The following CAND2 variants were observed in gnomAD, a reference collection of about 807,000 sequenced individuals.
The protein encoded by CAND2 is cullin-associated NEDD8-dissociated protein 2.
Under a neutral mutation model 98.9 loss-of-function variants are expected in CAND2, and 62 were observed. The observed-to-expected ratio is 0.63, with a 90% confidence interval of 0.51 to 0.77. The LOEUF is 0.77. Among genes scored for constraint, CAND2 ranks in the 30% least tolerant of loss-of-function variants. CAND2 has a pLI of 0.00. For missense variants in CAND2, 1,501 were observed against 1,655.2 expected (o/e 0.91, Z 1.62); for synonymous variants, 770 against 731.9 (o/e 1.05, Z -0.84).
At chr3:12,807,138 T>G (rs1305932568) in intron 2 of CAND2, 168 bp from the exon 3 acceptor site, 1 of 569,548 alleles carries the variant, frequency 1.8e-6, no homozygotes, top group Non-Finnish European at 3.0e-6. Flanking sequence ...AGGAACGATG[T>G]TGGCATAGCC....
chr3:12,829,576 GAAGC>G (rs1381507760), intron 13 of CAND2, among the ~76,000 whole-genome samples: 1 of 152,200 alleles, frequency 6.6e-6, no homozygotes, highest in African/African-American at 2.4e-5. Flanking sequence ...AGCAAATAAA[GAAGC>G]AAGTAATAAT....
intron 13 of CAND2, among the ~76,000 whole-genome samples, chr3:12,830,835 C>T (rs2062046997): frequency 6.6e-6 from 1 of 152,176 alleles, no homozygotes; most frequent in Non-Finnish European, 1.5e-5. Context: ...GGCTGGGCCT[C>T]CTCCTTTGCT....
intron 10 of CAND2, 142 bp from the exon 11 acceptor site, chr3:12,819,944 A>G (rs915948590): frequency 3.1e-6 from 2 of 650,764 alleles, no homozygotes; most frequent in African/African-American, 3.6e-5. Flanking sequence ...GGGAAATGGT[A>G]GAATCCACTT....
At chr3:12,829,091 G>C (rs532014988) in intron 13 of CAND2, among the ~76,000 whole-genome samples, 1 of 152,156 alleles carries the variant, frequency 6.6e-6, no homozygotes. Flanking sequence ...TGGATCATAC[G>C]GCAATTCTGT....
chr3:12,834,074 T>C lies in CAND2; in HGVS notation c.*92T>C. 1 of 1,074,600 alleles carries C rather than the reference T, an allele frequency of 9.3e-7. No homozygotes were observed. The highest frequency in any genetic ancestry group is 1.4e-6 in the Non-Finnish European group (1 of 719,034). 66.6% of individuals were successfully genotyped at this position (1,074,600 alleles called of 1,614,324 possible). On this transcript the variant is annotated 3_prime_UTR_variant, in exon 15 of 15. Coordinates refer to ENST00000456430, the MANE Select transcript of CAND2 (RefSeq NM_001162499.2). ...ATCCCACCATCGCAGGTCTCTACTT[T>C]TGCCCTTCCACCATCTCACTGGGGG...
chr3:12,819,109 G>GA (rs1379881995), intron 10 of CAND2, among the ~76,000 whole-genome samples: 1 of 152,108 alleles, frequency 6.6e-6, no homozygotes, highest in East Asian at 1.9e-4. Flanking sequence ...TCACCTCCCT[G>GA]CCTTCAGTCG....
chr3:12,802,811 A>G (rs1056078133), intron 1 of CAND2, among the ~76,000 whole-genome samples: 1 of 152,294 alleles, frequency 6.6e-6, no homozygotes, highest in African/African-American at 2.4e-5. Context: ...GGTAGAGCCT[A>G]CTACACTCCC....
chr3:12,827,278 A>G (rs2062011120), intron 12 of CAND2, among the ~76,000 whole-genome samples, 162 bp from the exon 13 acceptor site: 1 of 152,200 alleles, frequency 6.6e-6, no homozygotes, highest in East Asian at 1.9e-4. Context: ...ACTTGGGGGA[A>G]ATGACACTGC....
At chr3:12,800,789 C>T (rs932376989) in intron 1 of CAND2, among the ~76,000 whole-genome samples, 1 of 152,056 alleles carries the variant, frequency 6.6e-6, no homozygotes. Flanking sequence ...GTGGCACGAT[C>T]TTGGCTCACT....
intron 5 of CAND2, among the ~76,000 whole-genome samples, chr3:12,811,230 C>T (rs1468724969): frequency 2.6e-5 from 4 of 152,160 alleles, no homozygotes; most frequent in African/African-American, 7.2e-5. Flanking sequence ...AAGAGGCCTG[C>T]GCAGGCTCGG....
chr3:12,828,862 G>A (rs1234004290), intron 13 of CAND2, among the ~76,000 whole-genome samples: 1 of 152,072 alleles, frequency 6.6e-6, no homozygotes, highest in East Asian at 1.9e-4. Flanking sequence ...CACTTAGTCT[G>A]ATGTCCTCAA....
In CAND2 at chr3:12,816,834, T is replaced by TA. The variant is rs1289414596; in HGVS notation, c.1903dup (p.Thr635AsnfsTer11). On this transcript the variant is annotated frameshift_variant, in exon 10 of 15. Transcript: ENST00000456430. LOFTEE classifies it high-confidence loss of function. ...CCCGGCTGCCCGCCATCAAGGCGCT[T>TA]ACGCTGGTGGCCGTATCCCCACTAC... 2.5e-6 allele frequency: 4 copies of TA among 1,613,748 alleles called. No individual in the cohort carries two copies. The highest frequency in any genetic ancestry group is 3.4e-6 in the Non-Finnish European group (4 of 1,180,022).
At chr3:12,824,659 G>C (rs548964401) in intron 11 of CAND2, among the ~76,000 whole-genome samples, 1 of 152,256 alleles carries the variant, frequency 6.6e-6, no homozygotes, top group East Asian at 1.9e-4. Context: ...CTGTAATCTC[G>C]GCACTGTGGG....
At position 12,816,945 on chromosome 3, in the gene CAND2, C is replaced by T; in HGVS notation, c.2013C>T (p.Ala671=). Residue 671 remains alanine, a synonymous_variant, in exon 10 of 15, where the codon GCC becomes GCT. Coordinates refer to ENST00000456430, the MANE Select transcript of CAND2 (RefSeq NM_001162499.2). ...AGAACCAGCGGGCTTTGCGACTGGC[C>T]ACACTGGCAGCCCTGGACGCCCTGG... ...LRKNQRALRL[A]TLAALDALAQ... is the part of the protein sequence containing the mutation. 6.2e-7 allele frequency: 1 copy of T among 1,613,520 alleles called. No individual in the cohort carries two copies. The highest frequency in any genetic ancestry group is 8.5e-7 in the Non-Finnish European group (1 of 1,179,960).
chr3:12,803,752 A>C, intron 2 of CAND2, 121 bp downstream of exon 2: 1 of 819,486 alleles, frequency 1.2e-6, no homozygotes, highest in South Asian at 2.4e-5. Context: ...GCTCTCGTTG[A>C]ATGGTACCTT....
At chr3:12,819,744 G>A (rs1185433696) in intron 10 of CAND2, among the ~76,000 whole-genome samples, 1 of 152,120 alleles carries the variant, frequency 6.6e-6, no homozygotes, top group Non-Finnish European at 1.5e-5. Flanking sequence ...ATTATTAATA[G>A]GATCATTGTT....
intron 1 of CAND2, among the ~76,000 whole-genome samples, chr3:12,800,109 C>T (rs1426882583): frequency 6.6e-6 from 1 of 152,208 alleles, no homozygotes; most frequent in Non-Finnish European, 1.5e-5. Flanking sequence ...TCACCTCAGG[C>T]CTTGGCCTGG....
chr3:12,834,680 T>G lies in CAND2; in HGVS notation c.*698T>G, dbSNP rs986393704. ...ACCACCCAGGCATAACCAGTTGGTT[T>G]GTTTCCTTCTGAGGAAGGTTTCAAA... On this transcript the variant is annotated 3_prime_UTR_variant, in exon 15 of 15. Coordinates refer to ENST00000456430, the MANE Select transcript of CAND2 (RefSeq NM_001162499.2). 2 of 152,498 alleles carry G rather than the reference T, an allele frequency of 1.3e-5. No homozygotes were observed. The highest frequency in any genetic ancestry group is 1.5e-5 in the Non-Finnish European group (1 of 68,162). 9.4% of individuals were successfully genotyped at this position (152,498 alleles called of 1,614,324 possible).
At chr3:12,813,182 G>A in intron 6 of CAND2, 64 bp from the exon 7 acceptor site, 1 of 1,596,684 alleles carries the variant, frequency 6.3e-7, no homozygotes, top group African/African-American at 1.3e-5. Flanking sequence ...GACTCCCATT[G>A]GGCCCTGTCC....
Sources: gnomAD v4.1 joint callset for allele counts (sites outside exome capture counted in the v4.1 genomes callset) on GRCh38, gnomAD v4.1.1 for gene constraint, MANE v1.5 for transcripts, NCBI Gene and HGNC (gene_info 2026-07-23, HGNC 2026-07-21) for gene names.